RNF214: variants seen among roughly 807,000 people sequenced by gnomAD.
The protein encoded by RNF214 is ring finger protein 214.
RNF214 carries 25 observed loss-of-function variants against 75.9 expected under a neutral mutation model. The ratio of observed to expected loss-of-function variants is 0.33; its 90% confidence interval spans 0.24 to 0.46. The LOEUF (loss-of-function observed/expected upper bound fraction) is 0.46. Ranked by LOEUF, RNF214 falls within the 20% of genes least tolerant of loss-of-function variation. RNF214 has a pLI of 1.00. For missense variants in RNF214, 725 were observed against 857.5 expected (o/e 0.85, Z 1.93); for synonymous variants, 314 against 308.8 (o/e 1.02, Z -0.18).
chr11:117,275,703 C>A (rs1022699802), intron 6 of RNF214, among the ~76,000 whole-genome samples: 1 of 152,170 alleles, frequency 6.6e-6, no homozygotes, highest in Non-Finnish European at 1.5e-5. Context: ...AAATAGAAAT[C>A]TTGAACAGAC....
chr11:117,253,167 C>T (rs951253326), intron 6 of RNF214, among the ~76,000 whole-genome samples: 4 of 152,166 alleles, frequency 2.6e-5, no homozygotes, highest in African/African-American at 9.7e-5. Context: ...TGTGCACCAC[C>T]ATGCCCATCT....
At chr11:117,272,416 A>G (rs1000690138) in intron 6 of RNF214, among the ~76,000 whole-genome samples, 2 of 152,148 alleles carry the variant, frequency 1.3e-5, no homozygotes, top group Non-Finnish European at 2.9e-5. Context: ...AAGGGGAACA[A>G]CACACACCAG....
chr11:117,247,662 C>T (rs2033261631), intron 6 of RNF214, among the ~76,000 whole-genome samples: 1 of 151,970 alleles, frequency 6.6e-6, no homozygotes, highest in Non-Finnish European at 1.5e-5. Context: ...ACCATCCTGG[C>T]CAATATGGTG....
chr11:117,272,625 T>A (rs670778), intron 6 of RNF214, among the ~76,000 whole-genome samples: 45,983 of 151,330 alleles, frequency 0.3, 7,610 homozygotes, highest in African/African-American at 0.41. Context: ...TTTTTTTTTT[T>A]AAAAAGAAAG....
intron 6 of RNF214, among the ~76,000 whole-genome samples, chr11:117,253,095 C>T (rs1380960343): frequency 6.6e-6 from 1 of 152,124 alleles, no homozygotes; most frequent in East Asian, 1.9e-4. Context: ...TCACTAAAGC[C>T]TTGAACTCCT....
In RNF214 at chr11:117,281,333, G is replaced by A; in HGVS notation, c.1165G>A (p.Glu389Lys). Residue 389 changes from glutamate (E) to lysine (K), a missense_variant, in exon 9 of 15, where the codon GAG becomes AAG. This residue lies in a region of RNF214 where 363 missense variants were observed against 513.0 expected (regional missense o/e 0.71). Transcript: ENST00000300650. ...TYLKSTPPTL[E>K]TVRSKQEWET... ...TGAAAGGTCAACTCCCCCAACACTG[G>A]AGACAGTTCGTTCCAAACAGGAGTG... 1.2e-6 allele frequency: 2 copies of A among 1,613,284 alleles called. No homozygotes were observed. The highest frequency in any genetic ancestry group is 1.7e-6 in the Non-Finnish European group (2 of 1,179,496).
In RNF214 at chr11:117,257,843, G is replaced by A. The variant is rs1055076920; in HGVS notation, c.959+10895G>A. Among the ~76,000 whole-genome samples the A allele has an allele frequency of 3.4e-4, 52 of 152,184 alleles. 1 individual carries two copies. The stretch of plus-strand genomic sequence containing the variant: ...GTCTGAATAATACTAATTGGTAATT[G>A]TTGAGTGTTGTGATGCTATTCAGTA... On this transcript the variant is annotated intron_variant, in intron 6 of 14. Transcript: ENST00000300650.
chr11:117,250,893 T>C (rs1467975918), intron 6 of RNF214, among the ~76,000 whole-genome samples: 1 of 146,840 alleles, frequency 6.8e-6, no homozygotes, highest in African/African-American at 2.5e-5. Context: ...CAACCCTGAG[T>C]GGATACAGCA....
At chr11:117,266,854 T>C (rs147821264) in intron 6 of RNF214, among the ~76,000 whole-genome samples, 1,466 of 73,904 alleles carry the variant, frequency 0.02, 21 homozygotes, top group African/African-American at 0.11. Flanking sequence ...TTCTTTCTTC[T>C]TTTTCTTTTT....
chr11:117,236,867 C>CT lies in RNF214; in HGVS notation c.108-1731dup, dbSNP rs149311279. 4.9e-3 allele frequency among the ~76,000 whole-genome samples: 753 copies of CT among 152,246 alleles called. 9 individuals carry two copies. The highest frequency in any genetic ancestry group is 0.016 in the African/African-American group (673 of 41,560). ...TATGTGCCAGGCACTGTACTGAGTACTTTATGTGCATTATCTCATGTAATC... is the reference window on the plus strand; with the variant it reads ...TATGTGCCAGGCACTGTACTGAGTACTTTTATGTGCATTATCTCATGTAATC... On this transcript the variant is annotated intron_variant, in intron 2 of 14. Transcript: ENST00000300650.
rs1197554327 is a variant in RNF214, at chr11:117,280,220, A to C, written c.1106A>C (p.Glu369Ala). The stretch of plus-strand genomic sequence containing the variant: ...GAGTTACTGGTACTGAAACTAGAAG[A>C]AGCAGAAAAAGAGGCAGAATTGCAC... ...RKELLVLKLE[E>A]AEKEAELHLT... Residue 369 changes from glutamate to alanine, a missense_variant, in exon 8 of 15, where the codon GAA becomes GCA. Glu to Ala is a moderately radical substitution (Grantham distance 107, BLOSUM62 -1). Coordinates refer to ENST00000300650, the MANE Select transcript of RNF214 (RefSeq NM_207343.4). 1.9e-6 allele frequency: 3 copies of C among 1,613,706 alleles called. No individual in the cohort carries two copies. The highest frequency in any genetic ancestry group is 2.2e-5 in the East Asian group (1 of 44,882).
chr11:117,270,893 A>G (rs2033897749), intron 6 of RNF214, among the ~76,000 whole-genome samples: 1 of 150,432 alleles, frequency 6.6e-6, no homozygotes, highest in Non-Finnish European at 1.5e-5. Flanking sequence ...ATCTTGCCTC[A>G]GTTTTCTTTT....
intron 4 of RNF214, among the ~76,000 whole-genome samples, chr11:117,242,739 A>G (rs1273685401): frequency 2.6e-5 from 4 of 152,118 alleles, no homozygotes; most frequent in Non-Finnish European, 4.4e-5. Context: ...TGTAATCCCA[A>G]CTACTCTGGA....
intron 6 of RNF214, among the ~76,000 whole-genome samples, chr11:117,251,498 CCGGA>C (rs1439289606): frequency 7.1e-6 from 1 of 139,916 alleles, no homozygotes; most frequent in Non-Finnish European, 1.5e-5. Context: ...CACCTCCCTC[CCGGA>C]CGGGGCGGCT....
rs1272554428 is a variant in RNF214 at position 117,238,612 on chromosome 11, C to G, written c.119C>G (p.Ser40Cys). Reference sequence around the variant, plus strand: ...TGTGTGTTTGATAGCACCAAAGACTCTGCACAGAAGCAGAAGAACTCGCCT... The same window carrying G: ...TGTGTGTTTGATAGCACCAAAGACTGTGCACAGAAGCAGAAGAACTCGCCT... Reference protein sequence around the residue: ...GLPDGLSTKDSAQKQKNSPLL... With the variant: ...GLPDGLSTKDCAQKQKNSPLL... Residue 40 changes from serine to cysteine, a missense_variant, in exon 3 of 15, where the codon TCT becomes TGT. Physicochemically the swap from Ser to Cys is moderately radical, Grantham distance 112 (BLOSUM62 -1). Coordinates refer to ENST00000300650, the MANE Select transcript of RNF214 (RefSeq NM_207343.4). 2 of 1,612,236 alleles carry G rather than the reference C, an allele frequency of 1.2e-6. No homozygotes were observed. The highest frequency in any genetic ancestry group is 2.7e-5 in the African/African-American group (2 of 74,936).
At position 117,285,296 on chromosome 11, in the gene RNF214, T is replaced by C. The variant is rs939963995; in HGVS notation, c.*145T>C. On this transcript the variant is annotated 3_prime_UTR_variant, in exon 15 of 15. Coordinates refer to ENST00000300650, the MANE Select transcript of RNF214 (RefSeq NM_207343.4). ...ATATAGGTAATGTGTGTATAGAAAG[T>C]CTGTATTCCAATGTTCGTAAATGAA... 99 of 581,208 alleles carry C rather than the reference T, an allele frequency of 1.7e-4. 2 individuals carry two copies. The highest frequency in any genetic ancestry group is 3.1e-5 in the Non-Finnish European group (10 of 326,016). 36.0% of individuals were successfully genotyped at this position (581,208 alleles called of 1,614,324 possible).
intron 6 of RNF214, among the ~76,000 whole-genome samples, chr11:117,279,616 C>T (rs1219188266): frequency 1.3e-5 from 2 of 152,124 alleles, no homozygotes; most frequent in Non-Finnish European, 1.5e-5. Flanking sequence ...GGATTACAGG[C>T]GTCAGCCACC....
intron 6 of RNF214, among the ~76,000 whole-genome samples, chr11:117,269,149 A>C (rs2033856709): frequency 6.6e-6 from 1 of 152,166 alleles, no homozygotes; most frequent in Admixed American, 6.6e-5. Context: ...TCATGCCTGT[A>C]ATCCCAGCAG....
At position 117,272,300 on chromosome 11, in the gene RNF214, C is replaced by A. The variant is rs547490285; in HGVS notation, c.960-7608C>A. Among the ~76,000 whole-genome samples the A allele has an allele frequency of 5.9e-5, 9 of 152,264 alleles. No homozygotes were observed. In the South Asian group the frequency reaches 1.4e-3, roughly 25 times the overall value. On this transcript the variant is annotated intron_variant, in intron 6 of 14. Coordinates refer to ENST00000300650, the MANE Select transcript of RNF214 (RefSeq NM_207343.4). ...GTTTGAGGTTTTCAGTGTAGACTTTCCGTGTGTTAATATGGTTTAAGGGGT... is the reference window on the plus strand; with the variant it reads ...GTTTGAGGTTTTCAGTGTAGACTTTACGTGTGTTAATATGGTTTAAGGGGT...
Sources: allele counts gnomAD v4.1 joint callset (sites outside exome capture counted in the v4.1 genomes callset), GRCh38; gene constraint gnomAD v4.1.1; regional missense constraint gnomAD v4.1.1; transcripts MANE v1.5; gene names NCBI Gene and HGNC (gene_info 2026-07-23, HGNC 2026-07-21).